The following EPN2 variants were observed in gnomAD, a reference collection of about 807,000 sequenced individuals.
EPN2 encodes the protein epsin 2, also known as epsin-2.
EPN2 carries 34 observed loss-of-function variants against 61.7 expected under a neutral mutation model. The ratio of observed to expected loss-of-function variants is 0.55; its 90% CI spans 0.42 to 0.73. The LOEUF is 0.73. Among genes scored for constraint, EPN2 ranks in the 30% least tolerant of loss-of-function variants. The pLI is 0.00. For synonymous variants in EPN2, 349 were observed against 353.6 expected (o/e 0.99, Z 0.15); for missense variants, 714 against 839.2 (o/e 0.85, Z 1.84).
Position 19,245,595 on chromosome 17 carries a change from C to G in EPN2, c.-294+8064C>G, listed in dbSNP as rs1029211518. ...GGGACTATAGGCATGTGCCACCACA[C>G]CCAGCTAATTTTTATATTTTTAGTA... is the stretch of plus-strand genomic sequence containing the variant. On this transcript the variant is annotated intron_variant, in intron 1 of 10. Transcript: ENST00000314728. Among the ~76,000 whole-genome samples the G allele has an allele frequency of 3.9e-5, 6 of 151,904 alleles. No individual in the cohort carries two copies. The East Asian group carries it at 1.2e-3, about 29-fold the overall frequency.
chr17:19,240,056 T>C (rs2044866776), intron 1 of EPN2, among the ~76,000 whole-genome samples: 1 of 152,166 alleles, frequency 6.6e-6, no homozygotes, highest in African/African-American at 2.4e-5. Context: ...GAGATTTTTA[T>C]GCATGGAATT....
In EPN2 at chr17:19,335,387, TCC is replaced by T. The variant is rs985475948; in HGVS notation, c.*1134_*1135del. On this transcript the variant is annotated 3_prime_UTR_variant, in exon 11 of 11. Transcript: ENST00000314728. Reference sequence around the variant, plus strand: ...GACTCACCAATTTTTATCAACTAATTCCTTTTTTTTATTAAAGGCATGCAGGG... The same window carrying T: ...GACTCACCAATTTTTATCAACTAATTTTTTTTTTATTAAAGGCATGCAGGG... 49 of 1,547,398 alleles carry T rather than the reference TCC, an allele frequency of 3.2e-5. No individual in the cohort carries two copies. In the African/African-American group the frequency reaches 6.2e-4, roughly 19 times the overall value.
At chr17:19,325,921 A>G (rs971121449) in intron 7 of EPN2, among the ~76,000 whole-genome samples, 7 of 152,222 alleles carry the variant, frequency 4.6e-5, no homozygotes, top group African/African-American at 1.4e-4. Flanking sequence ...GTTTGGCAAG[A>G]TTGCTGGGTA....
chr17:19,250,096 AT>A lies in EPN2; in HGVS notation c.-294+12580del, dbSNP rs761763905. Among the ~76,000 whole-genome samples, 511 of 143,210 alleles carry A rather than the reference AT, an allele frequency of 3.6e-3. 3 individuals carry two copies. Among genetic ancestry groups the A allele is most frequent in the African/African-American group, 0.011 (413 of 38,530 alleles). The allele number at this position is 143,210 out of a possible 152,430, so 94.0% of individuals were successfully genotyped here. A position where few individuals can be genotyped will look rare whatever the true frequency, so the allele number is the denominator to read the frequency against. On this transcript the variant is annotated intron_variant, in intron 1 of 10. Transcript: ENST00000314728. ...TTAAAGTCAGCTGATTAGAAACTGA[AT>A]TTTTTTTTTTTTTTCAGACGGAGCC...
At chr17:19,270,374 T>G (rs1167858969) in intron 1 of EPN2, among the ~76,000 whole-genome samples, 1 of 152,200 alleles carries the variant, frequency 6.6e-6, no homozygotes, top group Non-Finnish European at 1.5e-5. Flanking sequence ...TTGAACAGGT[T>G]GTGTGTATAG....
intron 7 of EPN2, among the ~76,000 whole-genome samples, chr17:19,318,849 C>T (rs968404952): frequency 1.3e-5 from 2 of 151,970 alleles, no homozygotes; most frequent in Admixed American, 1.3e-4. Flanking sequence ...TGCTTCAGAA[C>T]CCGTGCAGTG....
intron 7 of EPN2, among the ~76,000 whole-genome samples, chr17:19,318,564 A>AAAAAAAAAAAAAAAAAC (rs1884620660): frequency 6.7e-6 from 1 of 148,930 alleles, no homozygotes; most frequent in Non-Finnish European, 1.5e-5. Context: ...AAAAAAAAAA[A>AAAAAAAAAAAAAAAAAC]AAAGAGTAGG....
At chr17:19,247,809 C>G (rs752435889) in intron 1 of EPN2, among the ~76,000 whole-genome samples, 95 of 152,308 alleles carry the variant, frequency 6.2e-4, no homozygotes, top group Non-Finnish European at 1.2e-3. Context: ...CTTCCTGAGA[C>G]TGGCTAGATA....
intron 4 of EPN2, among the ~76,000 whole-genome samples, chr17:19,290,641 G>A (rs745425098): frequency 2.3e-5 from 3 of 130,774 alleles, no homozygotes; most frequent in African/African-American, 5.9e-5. Context: ...AGCAAGTCCC[G>A]AGTTGCCTGG....
Position 19,318,566 on chromosome 17 carries a change from A to AAAAG in EPN2, c.1147+5288_1147+5289insAAGA, listed in dbSNP as rs1187317882. On this transcript the variant is annotated intron_variant, in intron 7 of 10. Transcript: ENST00000314728. ...CTCCATCTCAAAAAAAAAAAAAAAA[A>AAAAG]AGAGTAGGGGGTTCTTTCTGAGCCA... Among the ~76,000 whole-genome samples the AAAAG allele has an allele frequency of 4.7e-5, 7 of 148,604 alleles. 1 individual carries two copies. The highest frequency in any genetic ancestry group is 7.5e-5 in the Non-Finnish European group (5 of 66,742).
rs1025915160 is a variant in EPN2 at position 19,283,236 on chromosome 17, G to C, written c.117G>C (p.Leu39=). Residue 39 remains leucine (L), a synonymous_variant, in exon 3 of 11, where the codon CTG becomes CTC. Coordinates refer to ENST00000314728, the MANE Select transcript of EPN2 (RefSeq NM_014964.5). The surrounding 1 kb of genome is among the most constrained non-coding windows in gnomAD (Gnocchi z 7.0). ...ACCCGTGGGGCCCGTCCAGTTCTCT[G>C]ATGACCGAGATTGCCGACCTGACCT... is the stretch of plus-strand genomic sequence containing the variant. ...SNDPWGPSSS[L]MTEIADLTYN... is the part of the protein sequence containing the mutation. 1 of 1,614,066 alleles carries C rather than the reference G, an allele frequency of 6.2e-7. No homozygotes were observed. Among genetic ancestry groups the C allele is most frequent in the Non-Finnish European group, 8.5e-7 (1 of 1,180,048 alleles).
At chr17:19,250,619 C>G (rs1597970201) in intron 1 of EPN2, among the ~76,000 whole-genome samples, 1 of 152,176 alleles carries the variant, frequency 6.6e-6, no homozygotes, top group African/African-American at 2.4e-5. Context: ...TGCCTGGTAA[C>G]AGTGGGTCAG....
chr17:19,306,783 C>G (rs1028286479), intron 4 of EPN2, among the ~76,000 whole-genome samples: 4 of 152,082 alleles, frequency 2.6e-5, no homozygotes, highest in African/African-American at 4.8e-5. Context: ...TTCCAGAGCA[C>G]TTTTTTTGGG....
chr17:19,317,570 C>T (rs565428955), intron 7 of EPN2, among the ~76,000 whole-genome samples: 1 of 152,146 alleles, frequency 6.6e-6, no homozygotes, highest in Non-Finnish European at 1.5e-5. Flanking sequence ...TCGGGATGAG[C>T]CAGGCTGGCG....
chr17:19,330,410 A>T (rs1378337839), intron 9 of EPN2, among the ~76,000 whole-genome samples: 2 of 151,390 alleles, frequency 1.3e-5, no homozygotes. Context: ...CTCCCTACCA[A>T]CTGTAGCCAC....
intron 7 of EPN2, among the ~76,000 whole-genome samples, chr17:19,322,978 G>A (rs567801893): frequency 2.0e-5 from 3 of 152,178 alleles, no homozygotes; most frequent in Non-Finnish European, 2.9e-5. Context: ...GAGACTAGTT[G>A]TCTCGGAGGC....
chr17:19,322,740 T>TAA (rs59626137), intron 7 of EPN2, among the ~76,000 whole-genome samples: 41 of 102,728 alleles, frequency 4.0e-4, no homozygotes, highest in African/African-American at 9.7e-4. Context: ...AACCTGTCTC[T>TAA]AAAAAAAAAA....
At chr17:19,265,606 G>A (rs1021061500) in intron 1 of EPN2, among the ~76,000 whole-genome samples, 4 of 152,024 alleles carry the variant, frequency 2.6e-5, no homozygotes, top group African/African-American at 9.7e-5. Flanking sequence ...ATGTCTACTT[G>A]CCTCCTCCTT....
chr17:19,305,375 G>A (rs1026196713), intron 4 of EPN2, among the ~76,000 whole-genome samples: 1 of 151,988 alleles, frequency 6.6e-6, no homozygotes, highest in Admixed American at 6.6e-5. Context: ...CACCCCCTTC[G>A]GTCTCCCAAA....
Sources: gnomAD v4.1 joint callset for allele counts (sites outside exome capture counted in the v4.1 genomes callset) on GRCh38, gnomAD v4.1.1 for gene constraint, Gnocchi (gnomAD v3.1) non-coding constraint, MANE v1.5 for transcripts, NCBI Gene and HGNC (gene_info 2026-07-23, HGNC 2026-07-21) for gene names.